Variants in LIPG observed in about 807,000 individuals in gnomAD.
The protein encoded by LIPG is lipase G, endothelial type, also known as endothelial lipase.
In LIPG, 34 loss-of-function variants were observed where a neutral mutation model predicts 51.8. That is an observed-to-expected ratio of 0.66 (90% CI 0.50 to 0.87). The LOEUF is 0.87. LIPG is among the 40% of genes least tolerant of loss of function. LIPG has a pLI of 0.00. For missense variants in LIPG, 580 were observed against 652.7 expected, an observed-to-expected ratio of 0.89 and a Z score of 1.21; for synonymous variants, 246 against 246.1, an observed-to-expected ratio of 1.00 and a Z score of 0.00.
chr18:49,581,315 T>A, intron 5 of LIPG, 100 bp from the exon 6 acceptor site: 1 of 1,482,752 alleles, frequency 6.7e-7, no homozygotes, highest in Admixed American at 1.7e-5. Context: ...ACAGCAACAA[T>A]AAACAGCTAT....
intron 8 of LIPG, among the ~76,000 whole-genome samples, chr18:49,584,156 A>G (rs964883674): frequency 1.4e-4 from 21 of 152,100 alleles, no homozygotes; most frequent in African/African-American, 4.3e-4. Context: ...CTTGCTTCTG[A>G]GCAAAGCAGA....
At chr18:49,588,776 G>A (rs567054948) in intron 9 of LIPG, among the ~76,000 whole-genome samples, 3 of 152,236 alleles carry the variant, frequency 2.0e-5, no homozygotes, top group Admixed American at 1.3e-4. Flanking sequence ...ACAGCCACAC[G>A]CCCTCTAAGC....
chr18:49,566,169 TTAA>T (rs2084604794), intron 2 of LIPG, among the ~76,000 whole-genome samples: 1 of 152,222 alleles, frequency 6.6e-6, no homozygotes, highest in South Asian at 2.1e-4. Context: ...AGTCCTCCTC[TTAA>T]TGATGAGAAA....
intron 3 of LIPG, 80 bp from the exon 4 acceptor site, chr18:49,569,357 A>G (rs2084639097): frequency 8.4e-7 from 1 of 1,183,902 alleles, no homozygotes; most frequent in African/African-American, 1.5e-5. Context: ...CTGCTCCGTG[A>G]CTGAGTTGTT....
intron 9 of LIPG, 38 bp from the exon 10 acceptor site, chr18:49,590,463 T>C: frequency 6.3e-7 from 1 of 1,587,756 alleles, no homozygotes; most frequent in Admixed American, 1.7e-5. Context: ...TGCTGGTGTG[T>C]GAGCTAACAA....
chr18:49,577,837 T>G (rs868259074), intron 5 of LIPG, among the ~76,000 whole-genome samples: 9 of 34,786 alleles, frequency 2.6e-4, no homozygotes, highest in South Asian at 1.4e-3. Flanking sequence ...GCTGGCCGGG[T>G]GGGGGGGCTG....
At chr18:49,578,886 CCTGCAATCGCAGG>C in intron 5 of LIPG, among the ~76,000 whole-genome samples, 1 of 78,330 alleles carries the variant, frequency 1.3e-5, no homozygotes, top group South Asian at 5.3e-4. Context: ...GTGGCGCGTG[CCTGCAATCGCAGG>C]CACTCGGCAG....
chr18:49,595,846 A>T lies in LIPG; in HGVS notation c.*5324A>T, dbSNP rs1165731133. On this transcript the variant is annotated 3_prime_UTR_variant, in exon 10 of 10. Transcript: ENST00000261292. ...CCATCTCAAAATAAAATAAAATAGA[A>T]TAGAATAAAATAAAATCCTTTCCAC... The T allele has an allele frequency of 2.0e-5, 3 of 152,330 alleles. No individual in the cohort carries two copies. The East Asian group carries it at 5.8e-4, about 29-fold the overall frequency. 9.4% of individuals were successfully genotyped at this position (152,330 alleles called of 1,614,324 possible).
rs1249504598 is a variant in LIPG at position 49,565,461 on chromosome 18, T to C, written c.242T>C (p.Met81Thr). ...CCCTTAGAAGACTGCAGTTTCAACATGACAGCTAAAACCTTTTTCATCATT... is the reference window on the plus strand; with the variant it reads ...CCCTTAGAAGACTGCAGTTTCAACACGACAGCTAAAACCTTTTTCATCATT... ...SQPLEDCSFN[M>T]TAKTFFIIHG... Residue 81 changes from methionine (M) to threonine (T), a missense_variant, in exon 2 of 10, where the codon ATG (methionine) becomes ACG (threonine). By Grantham distance (81) the Met-to-Thr change is moderately conservative. Coordinates refer to ENST00000261292, the MANE Select transcript of LIPG (RefSeq NM_006033.4). 6.2e-7 allele frequency: 1 copy of C among 1,614,248 alleles called. No individual in the cohort carries two copies. Among genetic ancestry groups the C allele is most frequent in the Middle Eastern group, 1.6e-4 (1 of 6,062 alleles).
At chr18:49,564,989 C>T (rs61370273) in intron 1 of LIPG, among the ~76,000 whole-genome samples, 6,504 of 152,174 alleles carry the variant, frequency 0.043, 453 homozygotes, top group African/African-American at 0.15. Flanking sequence ...AGAAAAAGAA[C>T]TGAGAACCTG....
In LIPG at chr18:49,593,883, A is replaced by G. The variant is rs1439934148; in HGVS notation, c.*3361A>G. The stretch of plus-strand genomic sequence containing the variant: ...TATTTATTTAAAATTGACATATAAT[A>G]ATTGTACATATTTGTGGGGAAAATA... On this transcript the variant is annotated 3_prime_UTR_variant, in exon 10 of 10. Coordinates refer to ENST00000261292, the MANE Select transcript of LIPG (RefSeq NM_006033.4). 6.6e-6 allele frequency: 1 copy of G among 152,244 alleles called. No individual in the cohort carries two copies. Among genetic ancestry groups the G allele is most frequent in the Non-Finnish European group, 1.5e-5 (1 of 68,048 alleles). 9.4% of individuals were successfully genotyped at this position (152,244 alleles called of 1,614,324 possible).
At chr18:49,563,979 C>T (rs2084577171) in intron 1 of LIPG, among the ~76,000 whole-genome samples, 1 of 152,084 alleles carries the variant, frequency 6.6e-6, no homozygotes, top group African/African-American at 2.4e-5. Flanking sequence ...GGGGAGTTGT[C>T]GAACTCATTA....
chr18:49,575,328 A>C, intron 4 of LIPG, 41 bp from the exon 5 acceptor site: 1 of 1,554,226 alleles, frequency 6.4e-7, no homozygotes, highest in Non-Finnish European at 8.9e-7. Context: ...GACCAGGTGC[A>C]CCTGACACCA....
chr18:49,587,017 C>T (rs2084887526), intron 9 of LIPG, among the ~76,000 whole-genome samples, 167 bp downstream of exon 9: 2 of 151,976 alleles, frequency 1.3e-5, no homozygotes, highest in Admixed American at 6.5e-5. Context: ...GCCTGTAATC[C>T]CAGCACTTTG....
upstream of LIPG, chr18:49,562,020 C>A: frequency 7.0e-7 from 1 of 1,426,874 alleles, no homozygotes; most frequent in Non-Finnish European, 9.1e-7. Context: ...TCAGATGACT[C>A]CCATACTTTT....
At chr18:49,571,547 C>T (rs2148849364) in intron 4 of LIPG, among the ~76,000 whole-genome samples, 1 of 152,288 alleles carries the variant, frequency 6.6e-6, no homozygotes, top group Middle Eastern at 3.4e-3. Context: ...TTCCCTCTGG[C>T]CTTTCTCTGT....
intron 8 of LIPG, among the ~76,000 whole-genome samples, chr18:49,586,247 C>T (rs1423738496): frequency 6.6e-6 from 1 of 152,214 alleles, no homozygotes; most frequent in Non-Finnish European, 1.5e-5. Flanking sequence ...CTTTGAATCA[C>T]TCCGTTCAAG....
At chr18:49,567,419 A>G in intron 2 of LIPG, 23 bp from the exon 3 acceptor site, 2 of 1,610,908 alleles carry the variant, frequency 1.2e-6, no homozygotes, top group Non-Finnish European at 1.7e-6. Flanking sequence ...AGAATAAAAA[A>G]CAACTTCCAC....
Position 49,581,737 on chromosome 18 carries a change from A to G in LIPG, c.1036+80A>G, listed in dbSNP as rs41528747. On this transcript the variant is annotated intron_variant, in intron 6 of 9. Transcript: ENST00000261292. ...AATACCATGCTGCAGAGCAGGGCAC[A>G]TCCTAGCCCAGGAGAAGTGGCCAGC... 7.7e-3 allele frequency: 11,903 copies of G among 1,554,936 alleles called. 451 individuals are homozygous for G. The African/African-American group carries it at 0.11, about 14-fold the overall frequency.
Sources: allele counts gnomAD v4.1 joint callset (sites outside exome capture counted in the v4.1 genomes callset), GRCh38; gene constraint gnomAD v4.1.1; transcripts MANE v1.5; gene names NCBI Gene and HGNC (gene_info 2026-07-23, HGNC 2026-07-21).